Variants in WDR62 observed in about 807,000 individuals in gnomAD.
WDR62 encodes the protein WD repeat-containing protein 62.
A neutral mutation model predicts 160.6 loss-of-function variants in WDR62; 112 were observed. That is an observed-to-expected ratio of 0.70 (90% CI 0.60 to 0.82). The LOEUF (loss-of-function observed/expected upper bound fraction) is 0.82, where lower values mean the gene tolerates loss of function less well. Ranked by LOEUF, WDR62 falls within the 40% of genes least tolerant of loss-of-function variation. The pLI is 0.00. For missense variants in WDR62, 1,819 were observed against 1,983.8 expected, an observed-to-expected ratio of 0.92 and a Z score of 1.58; for synonymous variants, 792 against 815.1, an observed-to-expected ratio of 0.97 and a Z score of 0.48.
At chr19:36,065,873 G>T in intron 3 of WDR62, 85 bp from the exon 4 acceptor site, 2 of 1,339,194 alleles carry the variant, frequency 1.5e-6, no homozygotes, top group African/African-American at 2.9e-5. Context: ...GCAGAAGAGG[G>T]CAGAGTCCTA....
At chr19:36,100,964 G>A (rs901541959) in intron 23 of WDR62, 89 bp downstream of exon 23, 196 of 1,595,500 alleles carry the variant, frequency 1.2e-4, no homozygotes, top group Non-Finnish European at 1.6e-4. Flanking sequence ...TGCCTTCCCA[G>A]TGGGCTTGTG....
chr19:36,095,012 T>C (rs1446062587), intron 20 of WDR62, among the ~76,000 whole-genome samples: 1 of 151,966 alleles, frequency 6.6e-6, no homozygotes, highest in Non-Finnish European at 1.5e-5. Flanking sequence ...GCCTGAATAA[T>C]AGAGTGAGAT....
chr19:36,108,656 C>T (rs1162385523), downstream of WDR62, among the ~76,000 whole-genome samples: 1 of 152,068 alleles, frequency 6.6e-6, no homozygotes, highest in South Asian at 2.1e-4. Flanking sequence ...AGTTCAAAAC[C>T]AGCCCTAGGC....
At chr19:36,077,823 T>A (rs545798311) in intron 9 of WDR62, among the ~76,000 whole-genome samples, 185 of 149,946 alleles carry the variant, frequency 1.2e-3, no homozygotes, top group Admixed American at 3.6e-3. Context: ...TTCAAACTCC[T>A]GAGCTCAGGT....
chr19:36,105,853 C>G (rs1304640719), downstream of WDR62, among the ~76,000 whole-genome samples: 1 of 151,926 alleles, frequency 6.6e-6, no homozygotes, highest in Non-Finnish European at 1.5e-5. Flanking sequence ...CACCCACCAC[C>G]ATACTCAGCT....
chr19:36,069,130 C>T (rs1971124861), intron 7 of WDR62, among the ~76,000 whole-genome samples: 1 of 151,198 alleles, frequency 6.6e-6, no homozygotes, highest in Non-Finnish European at 1.5e-5. Flanking sequence ...GGCTGACTCC[C>T]CCCACCTCCC....
chr19:36,092,621 TC>T, intron 18 of WDR62, 67 bp from the exon 19 acceptor site: 1 of 1,604,900 alleles, frequency 6.2e-7, no homozygotes, highest in East Asian at 2.2e-5. Flanking sequence ...GGCTTCAGGG[TC>T]AGCCACGGCA....
chr19:36,104,215 A>C (rs562801778), intron 30 of WDR62, among the ~76,000 whole-genome samples: 18 of 152,384 alleles, frequency 1.2e-4, no homozygotes, highest in Non-Finnish European at 2.5e-4. Context: ...GACAATGCCC[A>C]GACTAAACCT....
chr19:36,092,664 G>T lies in WDR62; in HGVS notation c.2211-25G>T, dbSNP rs560364977. 10 of 1,613,668 alleles carry T rather than the reference G, an allele frequency of 6.2e-6. No individual in the cohort carries two copies. In the East Asian group the frequency reaches 1.1e-4, roughly 18 times the overall value. ...CCCATGCTTACTCTTCCTCTGCCTTGTGTGTCTCTCTTTGACCTCCGCAGC... is the reference window on the plus strand; with the variant it reads ...CCCATGCTTACTCTTCCTCTGCCTTTTGTGTCTCTCTTTGACCTCCGCAGC... On this transcript the variant is annotated intron_variant, in intron 18 of 31. Coordinates refer to ENST00000401500, the MANE Select transcript of WDR62 (RefSeq NM_001083961.2).
At chr19:36,069,468 G>A (rs1376311548) in intron 7 of WDR62, among the ~76,000 whole-genome samples, 1 of 151,962 alleles carries the variant, frequency 6.6e-6, no homozygotes, top group Non-Finnish European at 1.5e-5. Flanking sequence ...CTTTCTAGAC[G>A]GAATGGCAGC....
intron 9 of WDR62, among the ~76,000 whole-genome samples, chr19:36,080,070 C>G (rs940238193): frequency 6.6e-6 from 1 of 152,034 alleles, no homozygotes; most frequent in Non-Finnish European, 1.5e-5. Context: ...ATTTTCTCCT[C>G]AGTTATATCT....
rs79754598 is a variant in WDR62 at position 36,057,136 on chromosome 19, C to T, written c.178-1644C>T. On this transcript the variant is annotated intron_variant, in intron 1 of 31. Coordinates refer to ENST00000401500, the MANE Select transcript of WDR62 (RefSeq NM_001083961.2). ...CGCCAAGTTATGAACTTATCTGTGC[C>T]TCAGTTTTCTTATCTGTAAAATGAG... Among the ~76,000 whole-genome samples, 1,392 of 152,136 alleles carry T rather than the reference C, an allele frequency of 9.1e-3. 28 individuals carry two copies. Among genetic ancestry groups the T allele is most frequent in the African/African-American group, 0.032 (1,344 of 41,488 alleles).
In WDR62 at chr19:36,101,796, A is replaced by G. The variant is rs748009776; in HGVS notation, c.3082+22A>G. ...CCAGGTAAGCAGGGGCCAGACACGC[A>G]GGGGACTCGCTGCTCGGGCCTGGCT... On this transcript the variant is annotated intron_variant, in intron 25 of 31. Transcript: ENST00000401500. 5.4e-5 allele frequency: 83 copies of G among 1,544,172 alleles called. 1 individual carries two copies. Among genetic ancestry groups the G allele is most frequent in the Non-Finnish European group, 1.8e-6 (2 of 1,140,684 alleles).
At chr19:36,104,746 AC>A in intron 31 of WDR62, 21 bp from the exon 32 acceptor site, 1 of 1,613,754 alleles carries the variant, frequency 6.2e-7, no homozygotes, top group Non-Finnish European at 8.5e-7. Flanking sequence ...GTGGCCCCTG[AC>A]AAGGCTGGCA....
intron 3 of WDR62, chr19:36,060,591 C>G: frequency 6.1e-6 from 1 of 164,856 alleles, no homozygotes; most frequent in Non-Finnish European, 1.3e-5. Flanking sequence ...GCCTTGCAGC[C>G]TTGTAGAGGG....
chr19:36,080,078 T>G (rs758179920), intron 9 of WDR62, among the ~76,000 whole-genome samples: 8 of 152,000 alleles, frequency 5.3e-5, no homozygotes, highest in Non-Finnish European at 4.4e-5. Flanking sequence ...CTCAGTTATA[T>G]CTAATCTTTG....
At chr19:36,078,697 G>T (rs1971718831) in intron 9 of WDR62, among the ~76,000 whole-genome samples, 1 of 151,614 alleles carries the variant, frequency 6.6e-6, no homozygotes, top group African/African-American at 2.4e-5. Flanking sequence ...TTAGCTGGCC[G>T]TGGTGGCGGG....
intron 26 of WDR62, chr19:36,102,467 G>T: frequency 1.7e-6 from 1 of 583,830 alleles, no homozygotes; most frequent in Non-Finnish European, 3.0e-6. Context: ...TCACCATGTT[G>T]GCCAGACTGG....
chr19:36,097,554 G>A (rs546946906), intron 21 of WDR62, among the ~76,000 whole-genome samples: 6 of 151,348 alleles, frequency 4.0e-5, no homozygotes, highest in Non-Finnish European at 8.8e-5. Flanking sequence ...ACACTCCAGC[G>A]TGGGCAACAG....
Sources: gnomAD v4.1 joint callset for allele counts (sites outside exome capture counted in the v4.1 genomes callset) on GRCh38, gnomAD v4.1.1 for gene constraint, MANE v1.5 for transcripts, NCBI Gene and HGNC (gene_info 2026-07-23, HGNC 2026-07-21) for gene names.